The following STARD13 variants were observed in gnomAD, a reference collection of about 807,000 sequenced individuals.
The protein encoded by STARD13 is stAR-related lipid transfer protein 13.
A neutral mutation model predicts 106.4 loss-of-function variants in STARD13; 62 were observed. The observed-to-expected ratio is 0.58, with a 90% CI of 0.48 to 0.72. The LOEUF (loss-of-function observed/expected upper bound fraction) is 0.72. Ranked by LOEUF, STARD13 falls within the 30% of genes least tolerant of loss-of-function variation. The pLI is 0.00. For synonymous variants in STARD13, 565 were observed against 553.0 expected, an observed-to-expected ratio of 1.02 and a Z score of -0.31; for missense variants, 1,387 against 1,424.0, an observed-to-expected ratio of 0.97 and a Z score of 0.42.
intron 1 of STARD13, chr13:33,180,320 G>A (rs1197101812): frequency 1.3e-5 from 2 of 152,184 alleles, no homozygotes; most frequent in African/African-American, 2.4e-5. Flanking sequence ...TTGCGATTAT[G>A]GTTTACAACG....
the STARD13 span, among the ~76,000 whole-genome samples, chr13:33,543,206 C>T: frequency 1.3e-5 from 2 of 152,190 alleles, 1 homozygote; most frequent in South Asian, 4.1e-4. Flanking sequence ...AGGAAGATGA[C>T]ACGAGCTTTG....
chr13:33,663,446 A>T, the STARD13 span, among the ~76,000 whole-genome samples: 1 of 152,186 alleles, frequency 6.6e-6, no homozygotes, highest in Non-Finnish European at 1.5e-5. Context: ...TACGTGAAAA[A>T]AGTTGAAATA....
the STARD13 span, among the ~76,000 whole-genome samples, chr13:33,480,181 A>G: frequency 6.6e-6 from 1 of 152,190 alleles, no homozygotes; most frequent in Admixed American, 6.5e-5. Context: ...ATAGTCTAGA[A>G]CTTGTTTTCA....
rs540461968 is a variant in STARD13 at position 33,333,188 on chromosome 13, G to A, written c.124+17102C>T. ...GCAGATCCTTTGAGGTCAGGAGTTC[G>A]AGACAAGCCTGGCCAACATGATGAA... On this transcript the variant is annotated intron_variant, in intron 1 of 5. Transcript: ENST00000567873. Among the ~76,000 whole-genome samples, 49 of 152,140 alleles carry A rather than the reference G, an allele frequency of 3.2e-4. 1 individual carries two copies. Among genetic ancestry groups the A allele is most frequent in the African/African-American group, 1.1e-3 (44 of 41,502 alleles).
intron 1 of STARD13, among the ~76,000 whole-genome samples, chr13:33,262,689 A>ACACACACACC (rs1566105513): frequency 2.2e-5 from 3 of 133,874 alleles, no homozygotes; most frequent in African/African-American, 8.1e-5. Flanking sequence ...ACACACACAC[A>ACACACACACC]CCCTGTACTC....
the STARD13 span, among the ~76,000 whole-genome samples, chr13:33,422,974 C>A: frequency 6.6e-6 from 1 of 152,108 alleles, no homozygotes; most frequent in Admixed American, 6.5e-5. Flanking sequence ...AAATGTTAGA[C>A]CTAAAACCAT....
the STARD13 span, among the ~76,000 whole-genome samples, chr13:33,442,050 A>G: frequency 1.3e-5 from 2 of 152,366 alleles, no homozygotes; most frequent in South Asian, 4.1e-4. Flanking sequence ...ATATTTAATG[A>G]CTATTTGACC....
At chr13:33,245,305 A>C (rs915043176) in intron 1 of STARD13, among the ~76,000 whole-genome samples, 5 of 152,394 alleles carry the variant, frequency 3.3e-5, no homozygotes, top group African/African-American at 1.2e-4. Context: ...CAGAGTAAAC[A>C]GAAAAAAGAC....
the STARD13 span, among the ~76,000 whole-genome samples, chr13:33,583,288 G>A: frequency 6.6e-6 from 1 of 152,176 alleles, no homozygotes; most frequent in Non-Finnish European, 1.5e-5. Context: ...TATTAGTGGT[G>A]TGAACCTTTC....
chr13:33,529,534 G>C, the STARD13 span, among the ~76,000 whole-genome samples: 1 of 152,060 alleles, frequency 6.6e-6, no homozygotes, highest in Non-Finnish European at 1.5e-5. Flanking sequence ...TATGCCAAGT[G>C]TTGTCCCAGG....
the STARD13 span, among the ~76,000 whole-genome samples, chr13:33,624,217 A>G: frequency 6.6e-6 from 1 of 152,186 alleles, no homozygotes; most frequent in African/African-American, 2.4e-5. Context: ...ACTAGTAACA[A>G]CCCAAATGTC....
chr13:33,671,071 C>T, the STARD13 span, among the ~76,000 whole-genome samples: 291 of 152,308 alleles, frequency 1.9e-3, 1 homozygote, highest in African/African-American at 6.6e-3. Flanking sequence ...TCTGAATTGC[C>T]ACCCATTTTG....
chr13:33,628,446 T>A, the STARD13 span, among the ~76,000 whole-genome samples: 1 of 152,176 alleles, frequency 6.6e-6, no homozygotes. Context: ...TCCTTCTTTT[T>A]CTCAGAATTA....
the STARD13 span, among the ~76,000 whole-genome samples, chr13:33,467,686 TGA>T: frequency 6.6e-6 from 1 of 152,162 alleles, no homozygotes; most frequent in South Asian, 2.1e-4. Flanking sequence ...GTCCATAGGA[TGA>T]GAGAGCTACC....
the STARD13 span, among the ~76,000 whole-genome samples, chr13:33,417,771 TG>T: frequency 6.6e-6 from 1 of 151,984 alleles, no homozygotes; most frequent in African/African-American, 2.4e-5. Context: ...GAGGTAAGAC[TG>T]GGGGGGAAAT....
the STARD13 span, among the ~76,000 whole-genome samples, chr13:33,357,435 G>T: frequency 1.3e-5 from 2 of 152,304 alleles, no homozygotes; most frequent in East Asian, 3.9e-4. Flanking sequence ...ATCTGTGTAG[G>T]TATGGCATTT....
At chr13:33,296,324 T>C (rs1892492139) in intron 1 of STARD13, among the ~76,000 whole-genome samples, 1 of 152,144 alleles carries the variant, frequency 6.6e-6, no homozygotes, top group African/African-American at 2.4e-5. Flanking sequence ...TCACGCAATG[T>C]ATCTCTATCT....
In STARD13 at chr13:33,167,569, A is replaced by G. The variant is rs984579846; in HGVS notation, c.223T>C (p.Tyr75His). 1 of 1,614,196 alleles carries G rather than the reference A, an allele frequency of 6.2e-7. No individual in the cohort carries two copies. Among genetic ancestry groups the G allele is most frequent in the Non-Finnish European group, 8.5e-7 (1 of 1,180,016 alleles). ...GACGTACCCTCATATAACTGAGCGT[A>G]TTGCGGGAACCCGGCAGCACGGAGC... ...DWLRAAGFPQ[Y>H]AQLYEDSQFP... The change falls in exon 2 of 14, where the codon TAC becomes CAC. Residue 75 changes from tyrosine (Y) to histidine (H), a missense_variant. Transcript: ENST00000336934.
At chr13:33,392,013 G>A in the STARD13 span, among the ~76,000 whole-genome samples, 1 of 152,080 alleles carries the variant, frequency 6.6e-6, no homozygotes, top group South Asian at 2.1e-4. Context: ...TTGATTCTGT[G>A]GCGTAAATTC....
Sources: gnomAD v4.1 joint callset for allele counts (sites outside exome capture counted in the v4.1 genomes callset) on GRCh38, gnomAD v4.1.1 for gene constraint, MANE v1.5 for transcripts, NCBI Gene and HGNC (gene_info 2026-07-23, HGNC 2026-07-21) for gene names.